Variants in AMOTL1 observed in about 807,000 individuals in gnomAD.
AMOTL1 encodes angiomotin like 1.
A neutral mutation model predicts 102.9 loss-of-function variants in AMOTL1; 45 were observed. That is an observed-to-expected ratio of 0.44 (90% CI 0.34 to 0.56). The LOEUF (loss-of-function observed/expected upper bound fraction) is 0.56, where lower values mean the gene tolerates loss of function less well. Ranked by LOEUF, AMOTL1 falls within the 20% of genes least tolerant of loss-of-function variation. The pLI is 0.01. For missense variants in AMOTL1, 1,114 were observed against 1,225.6 expected, an observed-to-expected ratio of 0.91 and a Z score of 1.36; for synonymous variants, 481 against 484.7, an observed-to-expected ratio of 0.99 and a Z score of 0.10.
At chr11:94,738,657 G>A (rs1274288492) in intron 2 of AMOTL1, among the ~76,000 whole-genome samples, 2 of 152,138 alleles carry the variant, frequency 1.3e-5, no homozygotes, top group Non-Finnish European at 2.9e-5. Flanking sequence ...TAAATAGCAT[G>A]GAAAGAGAGC....
At chr11:94,759,849 T>G (rs1950770667) in intron 3 of AMOTL1, among the ~76,000 whole-genome samples, 1 of 152,246 alleles carries the variant, frequency 6.6e-6, no homozygotes, top group Non-Finnish European at 1.5e-5. Flanking sequence ...ATGTGCCTGT[T>G]TCCTTATTTA....
chr11:94,869,168 A>G (rs553289101), intron 11 of AMOTL1, 30 bp from the exon 12 acceptor site: 13 of 1,532,410 alleles, frequency 8.5e-6, no homozygotes, highest in Non-Finnish European at 1.1e-5. Context: ...GGAAAAAAAG[A>G]ATGTTGAAAA....
chr11:94,826,074 C>G (rs1951957057), intron 4 of AMOTL1, among the ~76,000 whole-genome samples: 1 of 152,140 alleles, frequency 6.6e-6, no homozygotes, highest in African/African-American at 2.4e-5. Flanking sequence ...CACTTGAGAT[C>G]AGGAGTTCGA....
intron 6 of AMOTL1, among the ~76,000 whole-genome samples, chr11:94,846,399 C>G (rs899152319): frequency 3.9e-5 from 6 of 152,200 alleles, no homozygotes; most frequent in Non-Finnish European, 5.9e-5. Flanking sequence ...CGGGAACTTA[C>G]TATATGCCTT....
intron 1 of AMOTL1, among the ~76,000 whole-genome samples, chr11:94,787,320 A>C (rs1339425754): frequency 6.6e-6 from 1 of 152,142 alleles, no homozygotes; most frequent in Non-Finnish European, 1.5e-5. Context: ...GGGGAACTAC[A>C]AGTCTTTTTC....
At chr11:94,797,486 C>T (rs1951391461) in intron 2 of AMOTL1, among the ~76,000 whole-genome samples, 1 of 152,124 alleles carries the variant, frequency 6.6e-6, no homozygotes, top group African/African-American at 2.4e-5. Flanking sequence ...ATGATCTTTG[C>T]CTTTGAGGAG....
rs751441642 is a variant in AMOTL1 at position 94,821,631 on chromosome 11, C to T, written c.1223C>T (p.Pro408Leu). ...GGGCCACTGCACTCTGTCTCCCTGC[C>T]GCTTCCACTCCCGATGGCCCTGGGT... The part of the protein sequence containing the change: ...ASGPLHSVSL[P>L]LPLPMALGAP... Residue 408 changes from proline to leucine, a missense_variant, in exon 4 of 13, where the codon CCG becomes CTG. Pro to Leu is a moderately conservative substitution (Grantham distance 98, BLOSUM62 -3). Coordinates refer to ENST00000433060, the MANE Select transcript of AMOTL1 (RefSeq NM_130847.3). 85 of 1,613,848 alleles carry T rather than the reference C, an allele frequency of 5.3e-5. No homozygotes were observed. Among genetic ancestry groups the T allele is most frequent in the Admixed American group, 2.3e-4 (14 of 60,008 alleles).
chr11:94,846,117 G>A (rs1479971418), intron 6 of AMOTL1, among the ~76,000 whole-genome samples: 1 of 152,144 alleles, frequency 6.6e-6, no homozygotes, highest in Non-Finnish European at 1.5e-5. Context: ...CAAGAGTTGG[G>A]GAGCATAGCT....
chr11:94,796,189 T>C (rs1177074222), intron 2 of AMOTL1, among the ~76,000 whole-genome samples: 1 of 152,238 alleles, frequency 6.6e-6, no homozygotes, highest in Non-Finnish European at 1.5e-5. Context: ...AATTTCAGTT[T>C]ATTTCACATA....
At chr11:94,776,825 G>A (rs1394204312) in intron 1 of AMOTL1, among the ~76,000 whole-genome samples, 2 of 152,230 alleles carry the variant, frequency 1.3e-5, no homozygotes, top group Non-Finnish European at 2.9e-5. Context: ...CTTGGGAAAA[G>A]TAGAGAATAT....
chr11:94,803,360 GCCTTGAC>G (rs1165939330), intron 3 of AMOTL1, among the ~76,000 whole-genome samples: 1 of 152,184 alleles, frequency 6.6e-6, no homozygotes, highest in Non-Finnish European at 1.5e-5. Context: ...GGGAGATGAG[GCCTTGAC>G]CTCGTTGACT....
intron 3 of AMOTL1, among the ~76,000 whole-genome samples, chr11:94,816,844 A>G (rs1951775192): frequency 1.3e-5 from 2 of 152,032 alleles, no homozygotes; most frequent in African/African-American, 4.8e-5. Context: ...AAACTATCCA[A>G]CTCCTCAAGA....
At chr11:94,825,438 G>A (rs561568077) in intron 4 of AMOTL1, among the ~76,000 whole-genome samples, 1 of 152,286 alleles carries the variant, frequency 6.6e-6, no homozygotes, top group East Asian at 1.9e-4. Flanking sequence ...GGCCTTCTCT[G>A]TCCATTTGCT....
In AMOTL1 at chr11:94,800,179, A is replaced by G; in HGVS notation, c.989A>G (p.His330Arg). The change falls in exon 3 of 13, where the codon CAC (histidine) becomes CGC (arginine). Residue 330 changes from histidine to arginine, a missense_variant. Transcript: ENST00000433060. ...MMSPVSKTQE[H>R]GLFYGDQHPG... Reference sequence around the variant, plus strand: ...TCCCCAGTCAGCAAGACCCAGGAGCACGGACTTTTTTATGGTGACCAGCAC... The same window carrying G: ...TCCCCAGTCAGCAAGACCCAGGAGCGCGGACTTTTTTATGGTGACCAGCAC... 6.2e-7 allele frequency: 1 copy of G among 1,613,986 alleles called. No homozygotes were observed. The highest frequency in any genetic ancestry group is 8.5e-7 in the Non-Finnish European group (1 of 1,179,882).
intron 1 of AMOTL1, among the ~76,000 whole-genome samples, chr11:94,783,685 C>T (rs530196918): frequency 3.8e-4 from 58 of 152,314 alleles, no homozygotes; most frequent in Middle Eastern, 3.4e-3. Flanking sequence ...CTCCACACTT[C>T]CTTGATACTG....
intron 1 of AMOTL1, among the ~76,000 whole-genome samples, chr11:94,709,623 T>C (rs545092834): frequency 2.0e-5 from 3 of 152,212 alleles, no homozygotes; most frequent in Admixed American, 1.3e-4. Context: ...TTCCAGCCAT[T>C]CAAACTTAGC....
At chr11:94,830,871 A>C (rs1952055262) in intron 5 of AMOTL1, among the ~76,000 whole-genome samples, 1 of 152,234 alleles carries the variant, frequency 6.6e-6, no homozygotes, top group Non-Finnish European at 1.5e-5. Flanking sequence ...TTCTGTTGCT[A>C]CAAACTCTTT....
rs561000308 is a variant in AMOTL1, at chr11:94,725,481, T to C, written c.-50-3440T>C. Among the ~76,000 whole-genome samples the C allele has an allele frequency of 2.0e-5, 3 of 152,288 alleles. No individual in the cohort carries two copies. In the South Asian group the frequency reaches 6.2e-4, roughly 32 times the overall value. On this transcript the variant is annotated intron_variant, in intron 1 of 4. Coordinates refer to the AMOTL1 transcript ENST00000299004. ...GCAAATCTATATTAAGTGCCTCCCT[T>C]ATGATGACACTGTGCAAATGTTAGG...
At chr11:94,823,779 G>C (rs186996793) in intron 4 of AMOTL1, among the ~76,000 whole-genome samples, 2 of 150,776 alleles carry the variant, frequency 1.3e-5, no homozygotes, top group Non-Finnish European at 2.9e-5. Context: ...GCAGTGGCGC[G>C]ATCTCGGCTC....
Sources: gnomAD v4.1 joint callset for allele counts (sites outside exome capture counted in the v4.1 genomes callset) on GRCh38, gnomAD v4.1.1 for gene constraint, MANE v1.5 for transcripts, NCBI Gene and HGNC (gene_info 2026-07-23, HGNC 2026-07-21) for gene names.